The following CDH7 variants were observed in gnomAD, a reference collection of about 807,000 sequenced individuals.
The protein encoded by CDH7 is cadherin-7.
Under a neutral mutation model 71.8 loss-of-function variants are expected in CDH7, and 25 were observed. The observed-to-expected ratio is 0.35, with a 90% CI of 0.25 to 0.49. The LOEUF (loss-of-function observed/expected upper bound fraction) is 0.49, where lower values mean the gene tolerates loss of function less well. Among genes scored for constraint, CDH7 ranks in the 20% least tolerant of loss-of-function variants. The pLI is 0.99. For synonymous variants in CDH7, 381 were observed against 363.8 expected (o/e 1.05, Z -0.54); for missense variants, 862 against 974.6 (o/e 0.88, Z 1.54).
chr18:65,823,010 AC>A (rs375210903), intron 5 of CDH7, among the ~76,000 whole-genome samples: 177 of 152,010 alleles, frequency 1.2e-3, no homozygotes, highest in African/African-American at 4.1e-3. Context: ...GATTGTACAG[AC>A]CATAATGTCT....
intron 2 of CDH7, among the ~76,000 whole-genome samples, chr18:65,776,888 G>C (rs1568178644): frequency 6.6e-6 from 1 of 152,278 alleles, no homozygotes; most frequent in Admixed American, 6.5e-5. Flanking sequence ...CAGGGAAAAG[G>C]TGCTGAATAT....
intron 6 of CDH7, among the ~76,000 whole-genome samples, chr18:65,828,017 C>A (rs1386482202): frequency 6.6e-6 from 1 of 151,238 alleles, no homozygotes; most frequent in East Asian, 1.9e-4. Flanking sequence ...TTTCTTTCTT[C>A]CTACCCTCCT....
chr18:65,802,200 TTTG>T (rs1462416719), intron 2 of CDH7, among the ~76,000 whole-genome samples: 4 of 152,208 alleles, frequency 2.6e-5, no homozygotes, highest in Non-Finnish European at 2.9e-5. Context: ...TAAGGGGTTT[TTTG>T]TTGTTGGTTG....
intron 2 of CDH7, among the ~76,000 whole-genome samples, chr18:65,806,339 T>C (rs1016157509): frequency 6.6e-6 from 1 of 152,096 alleles, no homozygotes; most frequent in Non-Finnish European, 1.5e-5. Context: ...AACAAATACT[T>C]TGAAAAGGAT....
chr18:65,784,888 G>A (rs1453213306), intron 2 of CDH7, among the ~76,000 whole-genome samples: 1 of 151,950 alleles, frequency 6.6e-6, no homozygotes, highest in East Asian at 1.9e-4. Flanking sequence ...TTTTACCCTT[G>A]TTCATTTATG....
chr18:65,826,201 A>G (rs555651654), intron 6 of CDH7, among the ~76,000 whole-genome samples: 54 of 151,398 alleles, frequency 3.6e-4, no homozygotes, highest in African/African-American at 1.2e-3. Flanking sequence ...TAAAAGCATA[A>G]AACTCATTAA....
rs1914349214 is a variant in CDH7, at chr18:65,885,395, T to TTTTTTTTTTTTTTTTTTA, written c.*4501_*4502insTTTTTTTTTTTTTTTTTA. ...GTGTTTTTTTTTTTTTTTTTTTTTT[T>TTTTTTTTTTTTTTTTTTA]GACGTGGAGTCTCGCTCTGTCGCCC... On this transcript the variant is annotated 3_prime_UTR_variant, in exon 12 of 12. Transcript: ENST00000397968. 6.9e-6 allele frequency: 1 copy of TTTTTTTTTTTTTTTTTTA among 144,036 alleles called. No homozygotes were observed. Among genetic ancestry groups the TTTTTTTTTTTTTTTTTTA allele is most frequent in the Admixed American group, 7.0e-5 (1 of 14,198 alleles). 8.9% of individuals were successfully genotyped at this position (144,036 alleles called of 1,614,324 possible).
At chr18:65,792,629 A>G (rs1037241667) in intron 2 of CDH7, among the ~76,000 whole-genome samples, 9 of 152,188 alleles carry the variant, frequency 5.9e-5, no homozygotes, top group African/African-American at 2.2e-4. Context: ...ACATGGCCAC[A>G]GAGTTGCATT....
At chr18:65,791,176 A>T (rs754200930) in intron 2 of CDH7, among the ~76,000 whole-genome samples, 1 of 152,236 alleles carries the variant, frequency 6.6e-6, no homozygotes, top group South Asian at 2.1e-4. Context: ...TTTGGTTAGC[A>T]TCTTCATTTG....
chr18:65,841,540 A>G (rs1186008917), intron 6 of CDH7, among the ~76,000 whole-genome samples: 1 of 152,216 alleles, frequency 6.6e-6, no homozygotes, highest in African/African-American at 2.4e-5. Context: ...TAATTTTTAT[A>G]AAGAATATAA....
At chr18:65,791,905 TC>T (rs1372844921) in intron 2 of CDH7, among the ~76,000 whole-genome samples, 1 of 152,196 alleles carries the variant, frequency 6.6e-6, no homozygotes, top group African/African-American at 2.4e-5. Flanking sequence ...ATCATCCTTA[TC>T]TTTCATCTGT....
intron 2 of CDH7, among the ~76,000 whole-genome samples, chr18:65,802,202 T>C (rs1911147927): frequency 1.3e-5 from 2 of 152,216 alleles, no homozygotes; most frequent in Admixed American, 1.3e-4. Context: ...AGGGGTTTTT[T>C]GTTGTTGGTT....
intron 8 of CDH7, among the ~76,000 whole-genome samples, chr18:65,858,711 TATATG>T (rs1191852508): frequency 6.6e-6 from 1 of 152,032 alleles, no homozygotes; most frequent in Non-Finnish European, 1.5e-5. Context: ...CGTATATACA[TATATG>T]TATGTGTGTA....
rs1008780334 is a variant in CDH7, at chr18:65,887,288, T to C, written c.*6394T>C. ...TTTTTTTATTATTATTATTATACTTTAAGTTTTAGGGTACATGTGCACAAT... is the reference window on the plus strand; with the variant it reads ...TTTTTTTATTATTATTATTATACTTCAAGTTTTAGGGTACATGTGCACAAT... On this transcript the variant is annotated 3_prime_UTR_variant, in exon 12 of 12. Transcript: ENST00000397968. 6.6e-6 allele frequency: 1 copy of C among 152,070 alleles called. No homozygotes were observed. Among genetic ancestry groups the C allele is most frequent in the Non-Finnish European group, 1.5e-5 (1 of 68,010 alleles). The allele number at this position is 152,070 out of a possible 1,614,324, so 9.4% of individuals were successfully genotyped here.
chr18:65,879,026 A>T (rs1914146176), intron 11 of CDH7, among the ~76,000 whole-genome samples: 1 of 152,226 alleles, frequency 6.6e-6, no homozygotes, highest in Non-Finnish European at 1.5e-5. Flanking sequence ...TAACACAGAT[A>T]GCCAACAGAC....
In CDH7 at chr18:65,843,988, G is replaced by T; in HGVS notation, c.1158G>T (p.Val386=). The part of the protein sequence containing the change: ...VFSSPLYPME[V]SEATQVGNII... ...CTTCACCCTTGTACCCTATGGAGGTGTCGGAAGCTACCCAGGTTGGGAATA... is the reference window on the plus strand; with the variant it reads ...CTTCACCCTTGTACCCTATGGAGGTTTCGGAAGCTACCCAGGTTGGGAATA... The change falls in exon 7 of 12, where the codon GTG becomes GTT. Residue 386 remains valine (V), a synonymous_variant. Transcript: ENST00000397968. 2 of 1,612,958 alleles carry T rather than the reference G, an allele frequency of 1.2e-6. No individual in the cohort carries two copies. The highest frequency in any genetic ancestry group is 1.7e-6 in the Non-Finnish European group (2 of 1,179,354).
chr18:65,827,570 CTG>C (rs1197871405), intron 6 of CDH7, among the ~76,000 whole-genome samples: 1 of 151,856 alleles, frequency 6.6e-6, no homozygotes, highest in Non-Finnish European at 1.5e-5. Context: ...CCTAAACACA[CTG>C]TTTATATGAA....
intron 6 of CDH7, among the ~76,000 whole-genome samples, chr18:65,835,318 T>C (rs1912495697): frequency 6.6e-6 from 1 of 152,118 alleles, no homozygotes; most frequent in Admixed American, 6.6e-5. Context: ...TAAAGTATTG[T>C]GGACACAGGG....
intron 6 of CDH7, among the ~76,000 whole-genome samples, chr18:65,832,304 G>C (rs1912379349): frequency 6.6e-6 from 1 of 151,766 alleles, no homozygotes; most frequent in African/African-American, 2.4e-5. Flanking sequence ...ACTTGGCATA[G>C]AATTCTTTTA....
Sources: allele counts gnomAD v4.1 joint callset (sites outside exome capture counted in the v4.1 genomes callset), GRCh38; gene constraint gnomAD v4.1.1; transcripts MANE v1.5; gene names NCBI Gene and HGNC (gene_info 2026-07-23, HGNC 2026-07-21).